The following TENM4 variants were observed in gnomAD, a reference collection of about 807,000 sequenced individuals.
TENM4 encodes teneurin transmembrane protein 4, also known as teneurin-4.
A neutral mutation model predicts 243.3 loss-of-function variants in TENM4; 82 were observed. That is an observed-to-expected ratio of 0.34 (90% CI 0.28 to 0.40). The LOEUF (loss-of-function observed/expected upper bound fraction) is 0.40, where lower values mean the gene tolerates loss of function less well. TENM4 is among the 10% of genes least tolerant of loss of function. The pLI is 1.00. For synonymous variants in TENM4, 1,412 were observed against 1,456.3 expected (o/e 0.97, Z 0.69); for missense variants, 3,138 against 3,673.3 (o/e 0.85, Z 3.77).
At chr11:79,345,995 A>G (rs1857319232) in intron 1 of TENM4, among the ~76,000 whole-genome samples, 1 of 152,204 alleles carries the variant, frequency 6.6e-6, no homozygotes. Flanking sequence ...AAAAATGTGT[A>G]ATTATCACAT....
intron 15 of TENM4, among the ~76,000 whole-genome samples, chr11:78,798,297 T>C (rs1381538799): frequency 6.6e-6 from 1 of 152,260 alleles, no homozygotes; most frequent in African/African-American, 2.4e-5. Context: ...TTGCTGTCGA[T>C]TGTGACCTAA....
intron 1 of TENM4, among the ~76,000 whole-genome samples, chr11:79,381,332 GAA>G (rs113767852): frequency 2.3e-3 from 325 of 143,552 alleles, no homozygotes; most frequent in African/African-American, 6.2e-3. Flanking sequence ...AAATGGCCTG[GAA>G]AAAAAAAAAA....
intron 2 of TENM4, among the ~76,000 whole-genome samples, chr11:79,248,531 A>G (rs187156168): frequency 1.3e-5 from 2 of 152,276 alleles, no homozygotes; most frequent in Admixed American, 1.3e-4. Flanking sequence ...TTTCATCCCT[A>G]AAGTCATTTT....
chr11:78,939,908 T>C (rs1191659641), intron 6 of TENM4, among the ~76,000 whole-genome samples: 2 of 152,142 alleles, frequency 1.3e-5, no homozygotes, highest in Admixed American at 6.5e-5. Context: ...GCTAGCTATA[T>C]AGTAGGAGTG....
intron 6 of TENM4, among the ~76,000 whole-genome samples, chr11:78,922,893 T>G (rs1490395975): frequency 6.6e-6 from 1 of 152,190 alleles, no homozygotes; most frequent in Non-Finnish European, 1.5e-5. Flanking sequence ...CTCCAGCCAG[T>G]GCTCAAGACA....
chr11:79,276,294 C>T (rs1327129736), intron 2 of TENM4, among the ~76,000 whole-genome samples: 1 of 152,250 alleles, frequency 6.6e-6, no homozygotes, highest in Non-Finnish European at 1.5e-5. Context: ...GACCTCAGAG[C>T]CAGCTCACAC....
chr11:78,803,069 T>G (rs1857313892), intron 15 of TENM4, among the ~76,000 whole-genome samples: 1 of 151,926 alleles, frequency 6.6e-6, no homozygotes. Flanking sequence ...CTCACTCTGT[T>G]GCCCAGGCTG....
chr11:79,310,649 G>A (rs1002809901), intron 1 of TENM4, among the ~76,000 whole-genome samples: 5 of 152,112 alleles, frequency 3.3e-5, no homozygotes, highest in Admixed American at 2.6e-4. Context: ...ACAACGGGCA[G>A]CTTTCATCCT....
intron 16 of TENM4, among the ~76,000 whole-genome samples, chr11:78,786,275 G>C (rs1184362653): frequency 6.6e-6 from 1 of 152,236 alleles, no homozygotes; most frequent in Non-Finnish European, 1.5e-5. Context: ...GACGGGGGAA[G>C]ATCCCAGGCC....
chr11:79,085,094 C>T (rs576435160), intron 4 of TENM4, among the ~76,000 whole-genome samples: 45 of 151,344 alleles, frequency 3.0e-4, no homozygotes, highest in African/African-American at 8.7e-4. Context: ...TTTTTTTGGC[C>T]GGGTGTAGTG....
At chr11:78,877,495 G>A (rs376591283) in intron 9 of TENM4, among the ~76,000 whole-genome samples, 39 of 152,302 alleles carry the variant, frequency 2.6e-4, no homozygotes, top group African/African-American at 8.2e-4. Flanking sequence ...CAAACGAGAC[G>A]GGGAAAATTC....
intron 3 of TENM4, among the ~76,000 whole-genome samples, chr11:79,175,225 G>A (rs1863134787): frequency 6.6e-6 from 1 of 151,912 alleles, no homozygotes; most frequent in African/African-American, 2.4e-5. Flanking sequence ...GCCTATAGCT[G>A]AGAAATTATA....
At chr11:79,404,443 G>A (rs1409403574) in intron 1 of TENM4, among the ~76,000 whole-genome samples, 3 of 152,202 alleles carry the variant, frequency 2.0e-5, no homozygotes, top group Admixed American at 6.5e-5. Flanking sequence ...AGGCTGCCAG[G>A]GGATTGGGGA....
chr11:79,346,879 C>G (rs1857334654), intron 1 of TENM4, among the ~76,000 whole-genome samples: 1 of 152,174 alleles, frequency 6.6e-6, no homozygotes, highest in Admixed American at 6.5e-5. Flanking sequence ...ATTAGTTGAA[C>G]AAATGTAAAA....
chr11:79,007,372 TGA>T (rs59365146), intron 6 of TENM4, among the ~76,000 whole-genome samples: 2 of 151,874 alleles, frequency 1.3e-5, no homozygotes, highest in Admixed American at 6.6e-5. Context: ...AAACCAGAGC[TGA>T]GAGAGAGACT....
intron 6 of TENM4, among the ~76,000 whole-genome samples, chr11:79,009,244 C>T (rs1046468228): frequency 1.3e-5 from 2 of 152,172 alleles, no homozygotes; most frequent in African/African-American, 4.8e-5. Flanking sequence ...TTTAGTTGTA[C>T]AATGCTTACC....
chr11:78,824,839 A>G (rs1857815682), intron 12 of TENM4, among the ~76,000 whole-genome samples: 1 of 152,208 alleles, frequency 6.6e-6, no homozygotes, highest in South Asian at 2.1e-4. Flanking sequence ...ACACACATCT[A>G]AACTATATCA....
intron 15 of TENM4, among the ~76,000 whole-genome samples, chr11:78,796,012 A>T (rs990217227): frequency 1.3e-4 from 20 of 152,088 alleles, no homozygotes; most frequent in African/African-American, 4.6e-4. Flanking sequence ...TGTTCCACGG[A>T]TCGAGATGGC....
intron 9 of TENM4, among the ~76,000 whole-genome samples, chr11:78,881,221 T>C (rs1241490491): frequency 1.3e-5 from 2 of 152,152 alleles, no homozygotes; most frequent in African/African-American, 4.8e-5. Flanking sequence ...AAAGGAATTA[T>C]GACACAGGGG....
Sources: allele counts gnomAD v4.1 joint callset (sites outside exome capture counted in the v4.1 genomes callset), GRCh38; gene constraint gnomAD v4.1.1; transcripts MANE v1.5; gene names NCBI Gene and HGNC (gene_info 2026-07-23, HGNC 2026-07-21).